FOXP2: variants seen among roughly 807,000 people sequenced by gnomAD.
FOXP2 encodes the protein forkhead box protein P2.
FOXP2 carries 12 observed loss-of-function variants against 115.8 expected under a neutral mutation model. That is an observed-to-expected ratio of 0.10 (90% CI 0.07 to 0.17). The LOEUF (loss-of-function observed/expected upper bound fraction) is 0.17. Ranked by LOEUF, FOXP2 falls within the 10% of genes least tolerant of loss-of-function variation. The pLI, the probability that FOXP2 is intolerant of heterozygous loss-of-function variation, is 1.00. For missense variants in FOXP2, 629 were observed against 843.5 expected, an observed-to-expected ratio of 0.75 and a Z score of 3.15; for synonymous variants, 328 against 297.7, an observed-to-expected ratio of 1.10 and a Z score of -1.05.
intron 2 of FOXP2, among the ~76,000 whole-genome samples, chr7:114,505,244 T>C (rs1797751564): frequency 4.0e-5 from 6 of 151,566 alleles, no homozygotes; most frequent in Admixed American, 2.6e-4. Flanking sequence ...CTTGAACTAA[T>C]GTAGGAGCAC....
chr7:114,114,568 G>GT (rs1246474961), intron 1 of FOXP2, among the ~76,000 whole-genome samples: 5 of 151,718 alleles, frequency 3.3e-5, no homozygotes, highest in Non-Finnish European at 7.4e-5. Context: ...ATTTCTGTTT[G>GT]TTTTTTTTCT....
chr7:114,408,759 A>G (rs1366629036), intron 2 of FOXP2, among the ~76,000 whole-genome samples: 2 of 152,038 alleles, frequency 1.3e-5, no homozygotes, highest in Non-Finnish European at 2.9e-5. Context: ...AAATAAATAA[A>G]TAAATACAAT....
At chr7:114,177,339 C>T (rs1270572885) in intron 1 of FOXP2, among the ~76,000 whole-genome samples, 1 of 152,076 alleles carries the variant, frequency 6.6e-6, no homozygotes. Flanking sequence ...CCAGTTTACC[C>T]TTCTACCATC....
intron 3 of FOXP2, among the ~76,000 whole-genome samples, chr7:114,627,494 A>G (rs1804656682): frequency 6.6e-6 from 1 of 152,038 alleles, no homozygotes; most frequent in Non-Finnish European, 1.5e-5. Context: ...CTTGCCTTCT[A>G]TCTGAGCATA....
chr7:114,169,480 G>C (rs1208662173), intron 1 of FOXP2, among the ~76,000 whole-genome samples: 1 of 152,174 alleles, frequency 6.6e-6, no homozygotes, highest in Non-Finnish European at 1.5e-5. Context: ...CTTCCATTTG[G>C]AATGGCTGTG....
chr7:114,575,188 C>A (rs912999673), intron 3 of FOXP2, among the ~76,000 whole-genome samples: 4 of 151,800 alleles, frequency 2.6e-5, no homozygotes, highest in Admixed American at 1.3e-4. Flanking sequence ...CTTTGCTTCA[C>A]GTTCTCAGTC....
At chr7:114,214,677 C>T (rs551495838) in intron 1 of FOXP2, among the ~76,000 whole-genome samples, 1 of 152,076 alleles carries the variant, frequency 6.6e-6, no homozygotes, top group African/African-American at 2.4e-5. Flanking sequence ...CTGCTGGGGT[C>T]GTTGCTCAGT....
In FOXP2 at chr7:114,171,954, C is replaced by T. The variant is rs112174637; in HGVS notation, c.-102+8866C>T. On this transcript the variant is annotated intron_variant, in intron 1 of 17. Transcript: ENST00000634411. ...TCAAGACATAAGTGGAGGAAATAAC[C>T]TCAGATGTGGTAGAAATAGAAAGAG... is the stretch of plus-strand genomic sequence containing the variant. Among the ~76,000 whole-genome samples, 1,461 of 152,082 alleles carry T rather than the reference C, an allele frequency of 9.6e-3. 32 individuals are homozygous for T. Among genetic ancestry groups the T allele is most frequent in the African/African-American group, 0.033 (1,389 of 41,494 alleles).
chr7:114,265,473 CCTTGCGCTTGCT>C (rs1232370495), intron 1 of FOXP2, among the ~76,000 whole-genome samples: 4 of 152,154 alleles, frequency 2.6e-5, no homozygotes, highest in African/African-American at 9.7e-5. Context: ...AGGGGTCAGC[CCTTGCGCTTGCT>C]CTCACAGGTT....
At chr7:114,482,309 C>T (rs931369020) in intron 2 of FOXP2, among the ~76,000 whole-genome samples, 10 of 151,258 alleles carry the variant, frequency 6.6e-5, no homozygotes, top group East Asian at 1.9e-4. Context: ...TAAAGACTGA[C>T]GTTAGGATTT....
At chr7:114,195,362 C>G (rs1228844486) in intron 1 of FOXP2, among the ~76,000 whole-genome samples, 2 of 152,036 alleles carry the variant, frequency 1.3e-5, no homozygotes. Flanking sequence ...CATTATTGTT[C>G]CTATCCATAC....
chr7:114,433,136 A>T (rs1794187360), intron 2 of FOXP2, among the ~76,000 whole-genome samples: 1 of 151,988 alleles, frequency 6.6e-6, no homozygotes, highest in Non-Finnish European at 1.5e-5. Flanking sequence ...TTATAATACA[A>T]CAGGTAAAAG....
At chr7:114,400,339 CAT>C (rs1435322409) in intron 2 of FOXP2, among the ~76,000 whole-genome samples, 15 of 152,106 alleles carry the variant, frequency 9.9e-5, no homozygotes, top group African/African-American at 3.4e-4. Flanking sequence ...AGAAGTCCCT[CAT>C]AAATTAATTT....
intron 2 of FOXP2, among the ~76,000 whole-genome samples, chr7:114,373,667 T>A (rs1160910582): frequency 6.6e-6 from 1 of 152,220 alleles, no homozygotes; most frequent in African/African-American, 2.4e-5. Context: ...AAGTGGACCA[T>A]CCAGATACCC....
intron 2 of FOXP2, among the ~76,000 whole-genome samples, chr7:114,442,664 G>T (rs1184174669): frequency 6.6e-6 from 1 of 152,040 alleles, no homozygotes; most frequent in Non-Finnish European, 1.5e-5. Flanking sequence ...GTGTTGCTGA[G>T]GTTGGCCTCA....
chr7:114,178,809 T>G (rs1036880311), intron 1 of FOXP2, among the ~76,000 whole-genome samples: 3 of 151,890 alleles, frequency 2.0e-5, no homozygotes, highest in African/African-American at 7.2e-5. Flanking sequence ...TTTAATTAGT[T>G]TTGATGATCT....
At chr7:114,402,044 C>T (rs1018049708) in intron 2 of FOXP2, among the ~76,000 whole-genome samples, 1 of 152,184 alleles carries the variant, frequency 6.6e-6, no homozygotes, top group African/African-American at 2.4e-5. Context: ...TTCCCTTGAA[C>T]CCGTGAGGCA....
At chr7:114,649,709 C>T (rs1484174982) in intron 8 of FOXP2, among the ~76,000 whole-genome samples, 1 of 152,020 alleles carries the variant, frequency 6.6e-6, no homozygotes, top group East Asian at 1.9e-4. Flanking sequence ...TGAATAGGCA[C>T]TATTCTTTTA....
chr7:114,570,767 GA>G (rs756770157), intron 3 of FOXP2: 29 of 1,497,238 alleles, frequency 1.9e-5, no homozygotes, highest in South Asian at 4.5e-5. Flanking sequence ...CCTTAAGATT[GA>G]AAAAAAAGCC....
Sources: allele counts gnomAD v4.1 joint callset (sites outside exome capture counted in the v4.1 genomes callset), GRCh38; gene constraint gnomAD v4.1.1; transcripts MANE v1.5; gene names NCBI Gene and HGNC (gene_info 2026-07-23, HGNC 2026-07-21).